The following PRSS23 variants were observed in gnomAD, a reference collection of about 807,000 sequenced individuals.
PRSS23 encodes serine protease 23, also known as protease, serine 23.
A neutral mutation model predicts 34.7 loss-of-function variants in PRSS23; 25 were observed. That is an observed-to-expected ratio of 0.72 (90% CI 0.53 to 1.01). The LOEUF (loss-of-function observed/expected upper bound fraction) is 1.01. PRSS23 is among the 50% of genes least tolerant of loss of function. PRSS23 has a pLI of 0.00. For missense variants in PRSS23, 445 were observed against 475.6 expected (o/e 0.94, Z 0.60); for synonymous variants, 176 against 186.6 (o/e 0.94, Z 0.46).
chr11:86,924,132 T>C (rs1184639079), intron 2 of PRSS23, among the ~76,000 whole-genome samples: 8 of 152,086 alleles, frequency 5.3e-5, no homozygotes, highest in African/African-American at 1.9e-4. Context: ...GGTGGTTAAT[T>C]GTTCACCAGC....
chr11:86,925,119 C>T (rs1590930194), intron 2 of PRSS23: 2 of 152,210 alleles, frequency 1.3e-5, no homozygotes, highest in African/African-American at 4.8e-5. Flanking sequence ...TCTCTTAAAA[C>T]ACAAAACAAA....
At position 86,952,587 on chromosome 11, in the gene PRSS23, C is replaced by A. The variant is rs1364834741; in HGVS notation, c.*1302C>A. 4 of 1,116,968 alleles carry A rather than the reference C, an allele frequency of 3.6e-6. No homozygotes were observed. The East Asian group carries it at 9.4e-5, about 26-fold the overall frequency. The allele number at this position is 1,116,968 out of a possible 1,614,324, so 69.2% of individuals were successfully genotyped here. A position where few individuals can be genotyped will look rare whatever the true frequency, so the allele number is the denominator to read the frequency against. On this transcript the variant is annotated 3_prime_UTR_variant, in exon 3 of 3. Coordinates refer to the PRSS23 transcript ENST00000533902. ...GGCAATCTAGGTATCTACTTTTAAA[C>A]CAACCTATCGGGAGTCTGTCTGTTT...
chr11:86,808,585 G>T lies in PRSS23; in HGVS notation c.942G>T (p.Gly314=). The change falls in exon 2 of 2, where the codon GGG becomes GGT. Residue 314 remains glycine (G), a synonymous_variant. Coordinates refer to ENST00000280258, the MANE Select transcript of PRSS23 (RefSeq NM_007173.6). The part of the protein sequence containing the change: ...LLYQQCDAQP[G]ASGSGVYVRM... ...ACCAGCAATGCGATGCCCAGCCAGG[G>T]GCCAGCGGGTCTGGGGTCTATGTGA... 6.2e-7 allele frequency: 1 copy of T among 1,614,216 alleles called. No individual in the cohort carries two copies. Among genetic ancestry groups the T allele is most frequent in the Non-Finnish European group, 8.5e-7 (1 of 1,180,038 alleles).
Position 86,913,274 on chromosome 11 carries a change from C to CAAAAAA in PRSS23, c.207-37930_207-37925dup, listed in dbSNP as rs201233084. 1.1e-3 allele frequency among the ~76,000 whole-genome samples: 66 copies of CAAAAAA among 61,110 alleles called. 1 individual carries two copies. The highest frequency in any genetic ancestry group is 3.0e-3 in the African/African-American group (60 of 19,734). 40.1% of individuals were successfully genotyped at this position (61,110 alleles called of 152,430 possible). On this transcript the variant is annotated intron_variant, in intron 2 of 2. Transcript: ENST00000533902. Reference sequence around the variant, plus strand: ...GTACTCACTGGGGTCTGCCCTCAGGCAAAAAAAAAAAAAAAAACCTATTAA... The same window carrying CAAAAAA: ...GTACTCACTGGGGTCTGCCCTCAGGCAAAAAAAAAAAAAAAAAAAAAAACCTATTAA...
intron 2 of PRSS23, among the ~76,000 whole-genome samples, chr11:86,878,330 C>T (rs888781717): frequency 6.6e-6 from 1 of 150,958 alleles, no homozygotes; most frequent in Admixed American, 6.6e-5. Context: ...CTGGACTGTA[C>T]TGCTGCCATC....
chr11:86,852,172 G>T (rs1263339310), intron 2 of PRSS23, among the ~76,000 whole-genome samples: 1 of 152,132 alleles, frequency 6.6e-6, no homozygotes, highest in African/African-American at 2.4e-5. Context: ...GTGCACGATG[G>T]AGTCTCAGAG....
chr11:86,808,789 G>C lies in PRSS23; in HGVS notation c.1146G>C (p.Glu382Asp). ...WIKGNYLDCR[E>D]G The stretch of plus-strand genomic sequence containing the variant: ...AAGGAAACTACCTGGATTGTAGGGA[G>C]GGGTGACACAGTGTTCCCTCCTGGC... Residue 382 changes from glutamate to aspartate, a missense_variant, in exon 2 of 2, where the codon GAG (glutamate) becomes GAC (aspartate). Coordinates refer to ENST00000280258, the MANE Select transcript of PRSS23 (RefSeq NM_007173.6). 1 of 1,604,148 alleles carries C rather than the reference G, an allele frequency of 6.2e-7. No homozygotes were observed.
chr11:86,917,042 G>A (rs887729827), intron 2 of PRSS23, among the ~76,000 whole-genome samples: 6 of 152,310 alleles, frequency 3.9e-5, no homozygotes, highest in African/African-American at 9.6e-5. Flanking sequence ...TTGTGGAGCC[G>A]GGCGCGGTCG....
At chr11:86,839,998 T>C (rs1169576726) in intron 2 of PRSS23, among the ~76,000 whole-genome samples, 2 of 151,694 alleles carry the variant, frequency 1.3e-5, no homozygotes, top group Admixed American at 6.6e-5. Context: ...TGCAAAAACA[T>C]GCCAAATTGT....
downstream of PRSS23, among the ~76,000 whole-genome samples, chr11:86,813,814 A>G (rs1948196814): frequency 6.6e-6 from 1 of 152,216 alleles, no homozygotes; most frequent in Non-Finnish European, 1.5e-5. Context: ...ATTTGACAAT[A>G]TCTCTTTGGA....
intron 2 of PRSS23, among the ~76,000 whole-genome samples, chr11:86,944,197 C>T (rs1386273430): frequency 2.0e-5 from 3 of 151,902 alleles, no homozygotes; most frequent in African/African-American, 7.3e-5. Context: ...AGCTGCATAA[C>T]TCCAATCTCT....
At chr11:86,918,880 T>C (rs1225051400) in intron 2 of PRSS23, among the ~76,000 whole-genome samples, 1 of 152,212 alleles carries the variant, frequency 6.6e-6, no homozygotes, top group African/African-American at 2.4e-5. Flanking sequence ...TCTTTGAATT[T>C]ATTATTATTT....
intron 2 of PRSS23, among the ~76,000 whole-genome samples, chr11:86,897,639 T>C (rs554072603): frequency 2.0e-5 from 3 of 151,890 alleles, no homozygotes; most frequent in African/African-American, 7.3e-5. Context: ...GCTAGTTTTT[T>C]TTTGTTTGTT....
rs1021844934 is a variant in PRSS23, at chr11:86,800,666, C to A, written c.-14+15C>A. 9 of 984,316 alleles carry A rather than the reference C, an allele frequency of 9.1e-6. No homozygotes were observed. The highest frequency in any genetic ancestry group is 4.7e-5 in the South Asian group (1 of 21,284). 61.0% of individuals were successfully genotyped at this position (984,316 alleles called of 1,614,324 possible). On this transcript the variant is annotated intron_variant, in intron 1 of 1. Coordinates refer to ENST00000280258, the MANE Select transcript of PRSS23 (RefSeq NM_007173.6). ...GCTCGGCGCGGGTGAGTGCGGGCAC[C>A]GACTGGGGCATCCGCCCGGGCGCGG...
intron 2 of PRSS23, chr11:86,911,397 A>G (rs1948977090): frequency 6.6e-6 from 1 of 152,110 alleles, no homozygotes; most frequent in Non-Finnish European, 1.5e-5. Flanking sequence ...TTGGGCTTCA[A>G]GTGAACTCAT....
chr11:86,864,001 TATA>T (rs1314523163), intron 2 of PRSS23, among the ~76,000 whole-genome samples: 1 of 152,228 alleles, frequency 6.6e-6, no homozygotes, highest in Non-Finnish European at 1.5e-5. Context: ...TGTGTAATCA[TATA>T]ATAATCACGG....
At chr11:86,800,815 C>T (rs1263595920) in intron 1 of PRSS23, among the ~76,000 whole-genome samples, 164 bp downstream of exon 1, 1 of 152,196 alleles carries the variant, frequency 6.6e-6, no homozygotes, top group East Asian at 1.9e-4. Context: ...AGGACACGGG[C>T]TGGGGGCCTG....
upstream of PRSS23, among the ~76,000 whole-genome samples, chr11:86,799,687 C>T (rs765015358): frequency 2.2e-4 from 33 of 152,074 alleles, no homozygotes; most frequent in Non-Finnish European, 4.4e-4. Context: ...CCCCGCACAC[C>T]CCCCTACCCT....
chr11:86,851,183 C>G (rs1019234939), intron 2 of PRSS23, among the ~76,000 whole-genome samples: 20 of 152,182 alleles, frequency 1.3e-4, no homozygotes, highest in Admixed American at 9.8e-4. Flanking sequence ...AAGCAGAGGT[C>G]AGAGGTCTTA....
Sources: allele counts gnomAD v4.1 joint callset (sites outside exome capture counted in the v4.1 genomes callset), GRCh38; gene constraint gnomAD v4.1.1; transcripts MANE v1.5; gene names NCBI Gene and HGNC (gene_info 2026-07-23, HGNC 2026-07-21).